NBAS: variants seen among roughly 807,000 people sequenced by gnomAD.
The protein encoded by NBAS is NBAS subunit of NRZ tethering complex.
Under a neutral mutation model 302.5 loss-of-function variants are expected in NBAS, and 219 were observed. The observed-to-expected ratio is 0.72, with a 90% CI of 0.65 to 0.81. NBAS has a LOEUF of 0.81. NBAS is among the 30% of genes least tolerant of loss of function. The pLI is 0.00. For synonymous variants in NBAS, 1,118 were observed against 1,021.6 expected (o/e 1.09, Z -1.80); for missense variants, 2,932 against 2,841.6 (o/e 1.03, Z -0.72).
intron 6 of NBAS, among the ~76,000 whole-genome samples, chr2:15,540,544 T>C (rs1486014870): frequency 6.6e-6 from 1 of 152,006 alleles, no homozygotes; most frequent in Admixed American, 6.6e-5. Flanking sequence ...CTGAAGGTTC[T>C]CCATTTCCAA....
intron 25 of NBAS, among the ~76,000 whole-genome samples, chr2:15,404,921 A>C (rs1676338207): frequency 6.6e-6 from 1 of 152,198 alleles, no homozygotes; most frequent in Admixed American, 6.5e-5. Context: ...AAGGTAAAGA[A>C]TAAATCTTTT....
the NBAS span, among the ~76,000 whole-genome samples, chr2:14,914,610 T>A: frequency 6.6e-6 from 1 of 152,164 alleles, no homozygotes; most frequent in Non-Finnish European, 1.5e-5. Flanking sequence ...TGTGACTAGG[T>A]CATTCCAGGC....
chr2:15,439,347 G>A (rs754666177), intron 21 of NBAS, among the ~76,000 whole-genome samples: 16 of 150,644 alleles, frequency 1.1e-4, no homozygotes, highest in Non-Finnish European at 2.1e-4. Context: ...CAGCAGGTGA[G>A]CAAAATTAGC....
the NBAS span, among the ~76,000 whole-genome samples, chr2:15,040,188 C>T: frequency 3.3e-5 from 5 of 152,122 alleles, no homozygotes; most frequent in Admixed American, 1.3e-4. Context: ...TGTTTTTCTC[C>T]GCTGCAGAGT....
the NBAS span, among the ~76,000 whole-genome samples, chr2:14,960,820 C>T: frequency 1.3e-5 from 2 of 152,152 alleles, no homozygotes; most frequent in African/African-American, 4.8e-5. Context: ...AGATGAGTCA[C>T]CATTGTTTCA....
intron 48 of NBAS, among the ~76,000 whole-genome samples, chr2:15,218,189 C>T (rs771504008): frequency 7.4e-4 from 112 of 152,258 alleles, no homozygotes; most frequent in Non-Finnish European, 2.8e-4. Flanking sequence ...CCATGATTAA[C>T]GGATACTGTG....
At chr2:15,498,200 T>C (rs1223859435) in intron 11 of NBAS, among the ~76,000 whole-genome samples, 1 of 152,216 alleles carries the variant, frequency 6.6e-6, no homozygotes, top group Non-Finnish European at 1.5e-5. Context: ...CATAAAAGAA[T>C]ATGGCAGCAA....
intron 48 of NBAS, among the ~76,000 whole-genome samples, chr2:15,203,890 T>TTTTG (rs753349171): frequency 2.3e-5 from 3 of 129,460 alleles, no homozygotes; most frequent in Non-Finnish European, 5.1e-5. Context: ...GTGTGTGTGC[T>TTTTG]TGTGTGTGTG....
chr2:14,785,947 G>A, the NBAS span, among the ~76,000 whole-genome samples: 2 of 152,104 alleles, frequency 1.3e-5, no homozygotes, highest in South Asian at 2.1e-4. Context: ...AATCCATCTG[G>A]TCCTGGACTC....
the NBAS span, among the ~76,000 whole-genome samples, chr2:14,812,945 G>A: frequency 2.6e-5 from 4 of 152,196 alleles, no homozygotes; most frequent in Middle Eastern, 3.4e-3. Context: ...GAGTTCTCAT[G>A]AGATCTGGTT....
At chr2:15,040,324 G>T in the NBAS span, among the ~76,000 whole-genome samples, 2 of 152,048 alleles carry the variant, frequency 1.3e-5, no homozygotes, top group Non-Finnish European at 2.9e-5. Context: ...ACTTTCCCAG[G>T]GTAACATAGA....
At chr2:15,354,057 C>T (rs1673498126) in intron 33 of NBAS, among the ~76,000 whole-genome samples, 2 of 152,186 alleles carry the variant, frequency 1.3e-5, no homozygotes, top group African/African-American at 4.8e-5. Flanking sequence ...TGCAACCCTG[C>T]TACTTAGCAC....
the NBAS span, among the ~76,000 whole-genome samples, chr2:15,039,186 A>G: frequency 1.3e-5 from 2 of 152,124 alleles, no homozygotes; most frequent in Non-Finnish European, 1.5e-5. Context: ...AATGACACCA[A>G]TTTCCTGAGG....
At chr2:15,228,815 G>A (rs1183366117) in intron 47 of NBAS, among the ~76,000 whole-genome samples, 1 of 152,146 alleles carries the variant, frequency 6.6e-6, no homozygotes, top group Non-Finnish European at 1.5e-5. Context: ...GCTGGGAGTT[G>A]GGGAGCAGAG....
chr2:15,447,496 G>A (rs1482950943), intron 21 of NBAS, among the ~76,000 whole-genome samples: 2 of 152,180 alleles, frequency 1.3e-5, no homozygotes, highest in African/African-American at 4.8e-5. Flanking sequence ...TCTGGAGTGA[G>A]GTGGCTAGAA....
the NBAS span, among the ~76,000 whole-genome samples, chr2:14,786,602 G>T: frequency 1.0e-3 from 152 of 152,256 alleles, 5 homozygotes; most frequent in South Asian, 0.031. Flanking sequence ...TCAGGAGCAG[G>T]TTGTTCAGTT....
At chr2:15,495,440 AAC>A (rs1250101573) in intron 11 of NBAS, among the ~76,000 whole-genome samples, 12 of 152,224 alleles carry the variant, frequency 7.9e-5, no homozygotes, top group Admixed American at 3.3e-4. Flanking sequence ...AAAATGAAAA[AAC>A]AGTTTCTTCA....
At chr2:14,885,933 C>T in the NBAS span, among the ~76,000 whole-genome samples, 12 of 151,992 alleles carry the variant, frequency 7.9e-5, no homozygotes, top group Admixed American at 1.3e-4. Flanking sequence ...CAGATTGGCA[C>T]GGAATAAAGG....
At chr2:15,285,691 T>C (rs543645904) in intron 42 of NBAS, among the ~76,000 whole-genome samples, 1 of 152,278 alleles carries the variant, frequency 6.6e-6, no homozygotes, top group South Asian at 2.1e-4. Context: ...CTCGCTCTGT[T>C]GCCTAGGCTG....
Sources: allele counts gnomAD v4.1 joint callset (sites outside exome capture counted in the v4.1 genomes callset), GRCh38; gene constraint gnomAD v4.1.1; transcripts MANE v1.5; gene names NCBI Gene and HGNC (gene_info 2026-07-23, HGNC 2026-07-21).